The following ADHFE1 variants were observed in gnomAD, a reference collection of about 807,000 sequenced individuals.
ADHFE1 encodes alcohol dehydrogenase iron containing 1, also known as hydroxyacid-oxoacid transhydrogenase, mitochondrial.
In ADHFE1, 37 loss-of-function variants were observed where a neutral mutation model predicts 54.8. The observed-to-expected ratio is 0.68, with a 90% confidence interval of 0.52 to 0.89. The LOEUF is 0.89. Ranked by LOEUF, ADHFE1 falls within the 40% of genes least tolerant of loss-of-function variation. The pLI is 0.00. For missense variants in ADHFE1, 601 were observed against 591.2 expected (o/e 1.02, Z -0.17); for synonymous variants, 203 against 229.3 (o/e 0.89, Z 1.04).
At chr8:66,434,796 G>A (rs370468175) in intron 1 of ADHFE1, among the ~76,000 whole-genome samples, 25 of 152,370 alleles carry the variant, frequency 1.6e-4, no homozygotes, top group African/African-American at 5.8e-4. Flanking sequence ...GAAGGCCCTG[G>A]AGGGCAAGAG....
chr8:66,442,334 G>A (rs1472769844), intron 2 of ADHFE1, among the ~76,000 whole-genome samples: 14 of 137,408 alleles, frequency 1.0e-4, no homozygotes, highest in South Asian at 4.6e-4. Flanking sequence ...TTTTTGAGAC[G>A]GGGTCTCACT....
chr8:66,458,583 C>G (rs1031708041), intron 12 of ADHFE1, among the ~76,000 whole-genome samples: 1 of 152,176 alleles, frequency 6.6e-6, no homozygotes, highest in Non-Finnish European at 1.5e-5. Flanking sequence ...ATGGGAAAAT[C>G]TTAGAGAACT....
At chr8:66,448,999 T>C in intron 8 of ADHFE1, 29 bp downstream of exon 8, 1 of 1,572,264 alleles carries the variant, frequency 6.4e-7, no homozygotes, top group Admixed American at 1.7e-5. Context: ...TGGAGGGGCT[T>C]TTTTAGTACT....
chr8:66,458,210 G>A (rs958305476), intron 12 of ADHFE1, among the ~76,000 whole-genome samples: 1 of 152,164 alleles, frequency 6.6e-6, no homozygotes, highest in Non-Finnish European at 1.5e-5. Context: ...TGTTTAGTTA[G>A]GGCAAGAAGG....
In ADHFE1 at chr8:66,452,038, G is replaced by C; in HGVS notation, c.820G>C (p.Gly274Arg). 6.2e-7 allele frequency: 1 copy of C among 1,614,188 alleles called. No homozygotes were observed. The highest frequency in any genetic ancestry group is 8.5e-7 in the Non-Finnish European group (1 of 1,180,040). ...TCCCATCACACGGCCTGCGTACCAG[G>C]GCAGCAACCCAATCAGTGACATTTG... Reference protein sequence around the residue: ...SNPITRPAYQGSNPISDIWAI... With the variant: ...SNPITRPAYQRSNPISDIWAI... The change falls in exon 9 of 14, where the codon GGC becomes CGC. Residue 274 changes from glycine (G) to arginine (R), a missense_variant. Transcript: ENST00000396623.
intron 2 of ADHFE1, among the ~76,000 whole-genome samples, chr8:66,440,834 A>G (rs1351575798): frequency 6.6e-6 from 1 of 152,176 alleles, no homozygotes; most frequent in African/African-American, 2.4e-5. Context: ...TTCTAAGGTC[A>G]GATCTAAACA....
intron 2 of ADHFE1, among the ~76,000 whole-genome samples, chr8:66,442,189 A>C (rs1240638655): frequency 6.6e-6 from 1 of 152,114 alleles, no homozygotes; most frequent in Non-Finnish European, 1.5e-5. Flanking sequence ...ACTCTAAACC[A>C]GGGGATTTTT....
chr8:66,449,082 T>C (rs961552383), intron 8 of ADHFE1, 112 bp downstream of exon 8: 1 of 938,460 alleles, frequency 1.1e-6, no homozygotes. Context: ...ACAACATCCC[T>C]AGCTTTGGCT....
intron 9 of ADHFE1, chr8:66,453,564 T>G: frequency 1.9e-6 from 1 of 534,720 alleles, no homozygotes; most frequent in Non-Finnish European, 3.1e-6. Context: ...AACATCCACT[T>G]CCTCAATAAT....
At chr8:66,436,753 G>A (rs1029026789) in intron 1 of ADHFE1, among the ~76,000 whole-genome samples, 2 of 152,134 alleles carry the variant, frequency 1.3e-5, no homozygotes, top group African/African-American at 4.8e-5. Flanking sequence ...GACTGAGTGT[G>A]GAAAGAAAAG....
chr8:66,440,265 T>C, intron 2 of ADHFE1, 66 bp downstream of exon 2: 1 of 1,484,732 alleles, frequency 6.7e-7, no homozygotes, highest in Non-Finnish European at 9.3e-7. Context: ...ATAATACATT[T>C]GGGTAGTGTA....
At chr8:66,454,823 C>T (rs1806490170) in intron 10 of ADHFE1, among the ~76,000 whole-genome samples, 1 of 152,028 alleles carries the variant, frequency 6.6e-6, no homozygotes, top group Non-Finnish European at 1.5e-5. Context: ...AAGCAATTCT[C>T]CTGCCTCAGC....
intron 1 of ADHFE1, chr8:66,433,028 C>T: frequency 2.3e-6 from 1 of 432,596 alleles, no homozygotes; most frequent in Non-Finnish European, 3.1e-6. Flanking sequence ...AGGCTAAAAC[C>T]GGCTATAGCA....
At position 66,452,188 on chromosome 8, in the gene ADHFE1, A is replaced by G. The variant is rs1586467001; in HGVS notation, c.887+83A>G. The G allele has an allele frequency of 7.8e-6, 12 of 1,530,940 alleles. No individual in the cohort carries two copies. The East Asian group carries it at 2.8e-4, about 35-fold the overall frequency. The allele number at this position is 1,530,940 out of a possible 1,614,324, so 94.8% of individuals were successfully genotyped here. On this transcript the variant is annotated intron_variant, in intron 9 of 13. Coordinates refer to ENST00000396623, the MANE Select transcript of ADHFE1 (RefSeq NM_144650.3). ...TGAAACATGACATGCCTGAGCCTGA[A>G]ATATCCTGAGCAGGTCTGTTCCAGA...
intron 12 of ADHFE1, among the ~76,000 whole-genome samples, chr8:66,459,774 T>G (rs182282467): frequency 1.3e-5 from 2 of 152,344 alleles, no homozygotes; most frequent in East Asian, 3.9e-4. Flanking sequence ...GACAAAAATT[T>G]TCCTCCCTGT....
At chr8:66,434,232 T>C (rs1563484800) in intron 1 of ADHFE1, among the ~76,000 whole-genome samples, 1 of 152,174 alleles carries the variant, frequency 6.6e-6, no homozygotes, top group Non-Finnish European at 1.5e-5. Flanking sequence ...AAGGCAGGGA[T>C]TGTAGGAGAG....
rs546928137 is a variant in ADHFE1, at chr8:66,456,139, T to A, written c.987-678T>A. ...GGGTGACAGAGTGAGATACCATCTC[T>A]AAAAAAAAAAAGAATTTTTCAGTAA... On this transcript the variant is annotated intron_variant, in intron 10 of 13. Transcript: ENST00000396623. 3.3e-4 allele frequency among the ~76,000 whole-genome samples: 47 copies of A among 143,782 alleles called. No individual in the cohort carries two copies. The East Asian group carries it at 7.4e-3, about 23-fold the overall frequency. 94.3% of individuals were successfully genotyped at this position (143,782 alleles called of 152,430 possible). A position where few individuals can be genotyped will look rare whatever the true frequency, so the allele number is the denominator to read the frequency against.
intron 13 of ADHFE1, among the ~76,000 whole-genome samples, chr8:66,460,750 C>G (rs1806857937): frequency 6.6e-6 from 1 of 152,226 alleles, no homozygotes; most frequent in Admixed American, 6.5e-5. Context: ...CCAAACTGAT[C>G]TTGAACTATG....
chr8:66,434,633 T>A (rs1451961732), intron 1 of ADHFE1, among the ~76,000 whole-genome samples: 1 of 152,016 alleles, frequency 6.6e-6, no homozygotes, highest in Non-Finnish European at 1.5e-5. Flanking sequence ...GGGCACGGGG[T>A]GATGTGTGGC....
Sources: gnomAD v4.1 joint callset for allele counts (sites outside exome capture counted in the v4.1 genomes callset) on GRCh38, gnomAD v4.1.1 for gene constraint, MANE v1.5 for transcripts, NCBI Gene and HGNC (gene_info 2026-07-23, HGNC 2026-07-21) for gene names.